IL1RAPL1: variants seen among roughly 807,000 people sequenced by gnomAD.
IL1RAPL1 encodes interleukin 1 receptor accessory protein like 1, also known as interleukin-1 receptor accessory protein-like 1.
Under a neutral mutation model 48.4 loss-of-function variants are expected in IL1RAPL1, and 3 were observed. That is an observed-to-expected ratio of 0.06 (90% CI 0.03 to 0.16). IL1RAPL1 has a LOEUF of 0.16. Ranked by LOEUF, IL1RAPL1 falls within the 10% of genes least tolerant of loss-of-function variation. The pLI is 1.00. For missense variants in IL1RAPL1, 349 were observed against 530.6 expected, an observed-to-expected ratio of 0.66 and a Z score of 3.36; for synonymous variants, 185 against 187.7, an observed-to-expected ratio of 0.99 and a Z score of 0.12.
At chrX:28,687,187 T>C (rs1338626640) in intron 1 of IL1RAPL1, among the ~76,000 whole-genome samples, 1 of 111,310 alleles carries the variant, frequency 9.0e-6, no homozygotes, top group Non-Finnish European at 1.9e-5. Flanking sequence ...AATACCATAT[T>C]CCATTTTATT....
At chrX:29,636,011 C>G (rs928944871) in intron 5 of IL1RAPL1, among the ~76,000 whole-genome samples, 1 of 110,562 alleles carries the variant, frequency 9.0e-6, no homozygotes, top group Non-Finnish European at 1.9e-5. Flanking sequence ...ACCCAAAATA[C>G]AGCAATAAAA....
intron 3 of IL1RAPL1, among the ~76,000 whole-genome samples, chrX:29,291,205 G>A (rs148002895): frequency 9.0e-6 from 1 of 110,751 alleles, no homozygotes; most frequent in East Asian, 2.9e-4. Flanking sequence ...AACTAAAAAG[G>A]TATATAATTT....
At chrX:29,300,811 C>A in intron 3 of IL1RAPL1, among the ~76,000 whole-genome samples, 1 of 112,041 alleles carries the variant, frequency 8.9e-6, no homozygotes, top group Admixed American at 9.5e-5. Flanking sequence ...CTTTGGCTTA[C>A]AAAGTAAAGA....
intron 3 of IL1RAPL1, among the ~76,000 whole-genome samples, chrX:29,334,834 G>A (rs1932958491): frequency 8.9e-6 from 1 of 112,887 alleles, no homozygotes; most frequent in South Asian, 3.6e-4. Flanking sequence ...CCAGACGATG[G>A]GGGGCCAGGC....
At chrX:29,626,693 A>C (rs2147077220) in intron 5 of IL1RAPL1, among the ~76,000 whole-genome samples, 1 of 112,205 alleles carries the variant, frequency 8.9e-6, no homozygotes, top group East Asian at 2.8e-4. Flanking sequence ...GAGTTTTGAT[A>C]TGAAAAATCA....
At chrX:29,507,235 T>C (rs1935341018) in intron 5 of IL1RAPL1, among the ~76,000 whole-genome samples, 1 of 103,031 alleles carries the variant, frequency 9.7e-6, no homozygotes, top group South Asian at 4.6e-4. Flanking sequence ...ATATTTTATT[T>C]TTTCTTTCTT....
At chrX:29,460,270 T>C (rs1934787176) in intron 5 of IL1RAPL1, among the ~76,000 whole-genome samples, 1 of 112,341 alleles carries the variant, frequency 8.9e-6, no homozygotes, top group Admixed American at 9.4e-5. Flanking sequence ...AATTTTTAAG[T>C]AGCAGAATCA....
At chrX:29,608,557 T>A (rs756587937) in intron 5 of IL1RAPL1, among the ~76,000 whole-genome samples, 2 of 111,454 alleles carry the variant, frequency 1.8e-5, no homozygotes, top group South Asian at 7.6e-4. Context: ...CCGGGCGCGG[T>A]GGCTTATGCC....
At chrX:29,146,804 G>A (rs1170070202) in intron 2 of IL1RAPL1, among the ~76,000 whole-genome samples, 2 of 112,140 alleles carry the variant, frequency 1.8e-5, no homozygotes, top group Non-Finnish European at 3.8e-5. Context: ...TCTCTAGTTT[G>A]AGCAGGAAAA....
chrX:29,861,181 G>T (rs1327368961), intron 6 of IL1RAPL1, among the ~76,000 whole-genome samples: 2 of 111,489 alleles, frequency 1.8e-5, no homozygotes, highest in Non-Finnish European at 3.8e-5. Flanking sequence ...AAATATAGAG[G>T]AATTGAGGAG....
At chrX:29,334,788 CA>C (rs1932957219) in intron 3 of IL1RAPL1, among the ~76,000 whole-genome samples, 1 of 113,130 alleles carries the variant, frequency 8.8e-6, no homozygotes, top group Non-Finnish European at 1.9e-5. Flanking sequence ...CCTCACTTTC[CA>C]GACTGTGCAG....
intron 6 of IL1RAPL1, among the ~76,000 whole-genome samples, chrX:29,903,910 TACCATTGTCTTCAGG>T (rs1287839784): frequency 1.8e-5 from 2 of 112,203 alleles, no homozygotes; most frequent in Non-Finnish European, 3.8e-5. Flanking sequence ...GCAGCAAGAA[TACCATTGTCTTCAGG>T]ACTGCAGACC....
intron 2 of IL1RAPL1, among the ~76,000 whole-genome samples, chrX:28,966,857 A>G (rs1486298354): frequency 8.9e-6 from 1 of 111,779 alleles, no homozygotes; most frequent in Non-Finnish European, 1.9e-5. Flanking sequence ...ACCTGTAATC[A>G]TTTAGGCACC....
chrX:29,241,552 C>CA (rs1419794405), intron 2 of IL1RAPL1, among the ~76,000 whole-genome samples: 1 of 109,711 alleles, frequency 9.1e-6, no homozygotes, highest in Non-Finnish European at 1.9e-5. Context: ...GGGATGTGAG[C>CA]AAAAAAAAGG....
At chrX:28,716,011 G>A (rs1399377208) in intron 1 of IL1RAPL1, among the ~76,000 whole-genome samples, 1 of 112,247 alleles carries the variant, frequency 8.9e-6, no homozygotes, top group Non-Finnish European at 1.9e-5. Context: ...TCCCTGGGAT[G>A]CAAGCAAGCT....
At chrX:29,743,053 A>C (rs1928245449) in intron 6 of IL1RAPL1, among the ~76,000 whole-genome samples, 1 of 109,942 alleles carries the variant, frequency 9.1e-6, no homozygotes, top group Non-Finnish European at 1.9e-5. Flanking sequence ...ATACGTTTAT[A>C]TATGGCATAT....
intron 3 of IL1RAPL1, among the ~76,000 whole-genome samples, chrX:29,334,851 G>T (rs1310995843): frequency 3.5e-5 from 4 of 112,859 alleles, no homozygotes; most frequent in Non-Finnish European, 7.5e-5. Context: ...AGGCAGAGAC[G>T]CTCCTCACTT....
intron 5 of IL1RAPL1, among the ~76,000 whole-genome samples, chrX:29,482,837 T>C (rs1434701781): frequency 8.9e-6 from 1 of 112,172 alleles, no homozygotes; most frequent in Non-Finnish European, 1.9e-5. Context: ...TTCCTTGTAA[T>C]ATATTTTAAA....
intron 6 of IL1RAPL1, among the ~76,000 whole-genome samples, chrX:29,780,934 T>G (rs1032906225): frequency 9.0e-6 from 1 of 111,319 alleles, no homozygotes; most frequent in African/African-American, 3.3e-5. Flanking sequence ...ATGCTGGCAT[T>G]TTAACAAAGA....
Sources: allele counts gnomAD v4.1 joint callset (sites outside exome capture counted in the v4.1 genomes callset), GRCh38; gene constraint gnomAD v4.1.1; transcripts MANE v1.5; gene names NCBI Gene and HGNC (gene_info 2026-07-23, HGNC 2026-07-21).